WDFY4: variants seen among roughly 807,000 people sequenced by gnomAD.
WDFY4 encodes WD repeat- and FYVE domain-containing protein 4.
A neutral mutation model predicts 351.9 loss-of-function variants in WDFY4; 169 were observed. That is an observed-to-expected ratio of 0.48 (90% CI 0.42 to 0.55). WDFY4 has a LOEUF of 0.55. WDFY4 is among the 20% of genes least tolerant of loss of function. WDFY4 has a pLI of 0.00. For missense variants in WDFY4, 3,803 were observed against 3,935.6 expected (o/e 0.97, Z 0.90); for synonymous variants, 1,622 against 1,574.6 (o/e 1.03, Z -0.71).
intron 55 of WDFY4, 42 bp downstream of exon 55, chr10:48,966,715 G>T (rs199661531): frequency 8.1e-5 from 124 of 1,534,052 alleles, no homozygotes; most frequent in Non-Finnish European, 1.0e-4. Context: ...CTGTCCCAGG[G>T]TTGTCCCTTC....
chr10:48,805,939 G>A, intron 26 of WDFY4, 65 bp from the exon 27 acceptor site: 1 of 1,393,396 alleles, frequency 7.2e-7, no homozygotes, highest in Non-Finnish European at 1.0e-6. Context: ...GAAAACACTG[G>A]CATGTACTCA....
intron 2 of WDFY4, 92 bp downstream of exon 2, chr10:48,710,058 A>G (rs1456869048): frequency 1.4e-5 from 17 of 1,211,152 alleles, no homozygotes. Context: ...TTTTAATGTC[A>G]TCCCAAGTGG....
Position 48,939,313 on chromosome 10 carries a change from C to G in WDFY4, c.7587-2493C>G, listed in dbSNP as rs569116894. Among the ~76,000 whole-genome samples the G allele has an allele frequency of 3.3e-5, 5 of 152,374 alleles. 1 individual carries two copies. The South Asian group carries it at 1.0e-3, about 32-fold the overall frequency. ...GAGTAGCTCCGTGCCCACACCAATG[C>G]TAGCCTTTTCCAGACCCATGGTCTC... is the stretch of plus-strand genomic sequence containing the variant. On this transcript the variant is annotated intron_variant, in intron 47 of 61. Transcript: ENST00000325239.
In WDFY4 at chr10:48,925,872, G is replaced by A. The variant is rs1343124546; in HGVS notation, c.7587-15934G>A. Among the ~76,000 whole-genome samples, 5 of 152,232 alleles carry A rather than the reference G, an allele frequency of 3.3e-5. No individual in the cohort carries two copies. The East Asian group carries it at 9.6e-4, about 29-fold the overall frequency. On this transcript the variant is annotated intron_variant, in intron 47 of 61. Transcript: ENST00000325239. ...GTAATTGCCTCAAACATGCTGCTGG[G>A]CCCTTCATGTATGTCTAATCTCCAG...
chr10:48,723,370 G>C, intron 4 of WDFY4, 63 bp from the exon 5 acceptor site: 1 of 1,529,566 alleles, frequency 6.5e-7, no homozygotes, highest in Non-Finnish European at 8.8e-7. Flanking sequence ...CCTGATCCTG[G>C]GTCTGGGCTG....
At chr10:48,775,574 T>C (rs1156596887) in intron 14 of WDFY4, 138 bp from the exon 15 acceptor site, 23 of 770,324 alleles carry the variant, frequency 3.0e-5, no homozygotes, top group Non-Finnish European at 4.3e-5. Flanking sequence ...TGTCTCCACA[T>C]TGCTTTCAGA....
At chr10:48,854,263 C>A (rs1380868886) in intron 39 of WDFY4, among the ~76,000 whole-genome samples, 1 of 152,034 alleles carries the variant, frequency 6.6e-6, no homozygotes, top group Non-Finnish European at 1.5e-5. Flanking sequence ...TGTACACCAC[C>A]ATGCCCAGCT....
chr10:48,885,732 C>CTA (rs1003153527), intron 43 of WDFY4, among the ~76,000 whole-genome samples: 2,675 of 151,200 alleles, frequency 0.018, 84 homozygotes, highest in African/African-American at 0.063. Flanking sequence ...CTCTCTCTCT[C>CTA]TCTATATATA....
At chr10:48,834,443 C>A (rs1181624439) in intron 39 of WDFY4, among the ~76,000 whole-genome samples, 2 of 152,152 alleles carry the variant, frequency 1.3e-5, no homozygotes, top group African/African-American at 4.8e-5. Flanking sequence ...GCATGTGGAG[C>A]CCTTGGAAGC....
intron 13 of WDFY4, among the ~76,000 whole-genome samples, chr10:48,771,156 A>G (rs891690444): frequency 6.6e-6 from 1 of 152,226 alleles, no homozygotes; most frequent in African/African-American, 2.4e-5. Context: ...CCAATTTTTA[A>G]AACAATCTAG....
chr10:48,729,624 T>A, intron 8 of WDFY4, 35 bp downstream of exon 8: 1 of 1,549,284 alleles, frequency 6.5e-7, no homozygotes, highest in South Asian at 1.2e-5. Context: ...ACCGGAAGAG[T>A]CAGTGCTGAG....
chr10:48,857,917 G>A (rs1025356171), intron 39 of WDFY4, among the ~76,000 whole-genome samples: 8 of 151,706 alleles, frequency 5.3e-5, no homozygotes, highest in East Asian at 3.9e-4. Context: ...TCAGCCTCCC[G>A]AGTAGCTGGG....
At chr10:48,900,529 C>T (rs1032722651) in intron 46 of WDFY4, among the ~76,000 whole-genome samples, 2 of 152,184 alleles carry the variant, frequency 1.3e-5, no homozygotes, top group African/African-American at 4.8e-5. Context: ...AGGAAGCAGG[C>T]TCCATTTTCC....
chr10:48,973,779 G>A (rs1163171801), intron 57 of WDFY4, among the ~76,000 whole-genome samples: 1 of 152,218 alleles, frequency 6.6e-6, no homozygotes, highest in Non-Finnish European at 1.5e-5. Flanking sequence ...TGTCCACAGA[G>A]AAGAAGGCCT....
Position 48,803,393 on chromosome 10 carries a change from C to T in WDFY4, c.4484+34C>T. 1.3e-6 allele frequency: 2 copies of T among 1,546,398 alleles called. 1 individual carries two copies. The highest frequency in any genetic ancestry group is 2.4e-5 in the South Asian group (2 of 83,906). On this transcript the variant is annotated intron_variant, in intron 25 of 61. Transcript: ENST00000325239. ...GGTCTTGGCAGCCTGGGGGTTAGAA[C>T]TGAAGGCTGAATGTCCAGAACAGAG...
chr10:48,955,175 T>A (rs1564526659), intron 51 of WDFY4, among the ~76,000 whole-genome samples: 1 of 152,214 alleles, frequency 6.6e-6, no homozygotes, highest in Non-Finnish European at 1.5e-5. Flanking sequence ...TAGGTGAATA[T>A]TTATTTCGAC....
At chr10:48,759,636 C>T (rs933017978) in intron 12 of WDFY4, among the ~76,000 whole-genome samples, 1 of 152,126 alleles carries the variant, frequency 6.6e-6, no homozygotes, top group Non-Finnish European at 1.5e-5. Context: ...CAGGGGATTT[C>T]CTCCATGCTC....
intron 35 of WDFY4, among the ~76,000 whole-genome samples, chr10:48,825,835 C>T (rs1191447344): frequency 4.7e-5 from 7 of 149,594 alleles, no homozygotes; most frequent in South Asian, 2.3e-4. Flanking sequence ...TTGTTAAGTT[C>T]CCTGTAGATT....
intron 23 of WDFY4, among the ~76,000 whole-genome samples, chr10:48,793,537 A>G (rs749089212): frequency 5.9e-5 from 9 of 152,110 alleles, no homozygotes; most frequent in Non-Finnish European, 2.9e-5. Context: ...TGCAACCTCC[A>G]TCCTCCCTCA....
Sources: gnomAD v4.1 joint callset for allele counts (sites outside exome capture counted in the v4.1 genomes callset) on GRCh38, gnomAD v4.1.1 for gene constraint, MANE v1.5 for transcripts, NCBI Gene and HGNC (gene_info 2026-07-23, HGNC 2026-07-21) for gene names.